Variants in SEZ6L observed in about 807,000 individuals in gnomAD.
SEZ6L encodes the protein seizure related 6 homolog like.
SEZ6L carries 37 observed loss-of-function variants against 106.2 expected under a neutral mutation model. The observed-to-expected ratio is 0.35, with a 90% CI of 0.27 to 0.46. SEZ6L has a LOEUF of 0.46. Among genes scored for constraint, SEZ6L ranks in the 20% least tolerant of loss-of-function variants. The pLI, the probability that SEZ6L is intolerant of heterozygous loss-of-function variation, is 1.00. For synonymous variants in SEZ6L, 541 were observed against 570.4 expected (o/e 0.95, Z 0.73); for missense variants, 1,172 against 1,332.8 (o/e 0.88, Z 1.88).
intron 1 of SEZ6L, among the ~76,000 whole-genome samples, chr22:26,183,445 G>T (rs1601966274): frequency 6.6e-6 from 1 of 152,296 alleles, no homozygotes; most frequent in East Asian, 1.9e-4. Flanking sequence ...GACCAGGGTT[G>T]GGAGCCATGA....
intron 9 of SEZ6L, among the ~76,000 whole-genome samples, chr22:26,318,859 T>C (rs548943471): frequency 6.6e-6 from 1 of 152,314 alleles, no homozygotes; most frequent in East Asian, 1.9e-4. Context: ...CATCAGTTGC[T>C]TGGGGGAAAG....
At chr22:26,341,529 C>A (rs1000498567) in intron 10 of SEZ6L, among the ~76,000 whole-genome samples, 12 of 152,152 alleles carry the variant, frequency 7.9e-5, no homozygotes, top group Non-Finnish European at 1.8e-4. Flanking sequence ...TTAAACAGTA[C>A]CAATATCCGT....
At chr22:26,223,816 T>C (rs2078557012) in intron 1 of SEZ6L, among the ~76,000 whole-genome samples, 1 of 152,214 alleles carries the variant, frequency 6.6e-6, no homozygotes, top group South Asian at 2.1e-4. Flanking sequence ...TAATTGTTAT[T>C]ATAATTAAGG....
At chr22:26,251,487 G>A (rs546605890) in intron 1 of SEZ6L, among the ~76,000 whole-genome samples, 3 of 152,336 alleles carry the variant, frequency 2.0e-5, no homozygotes, top group African/African-American at 7.2e-5. Flanking sequence ...GCATCAGCAA[G>A]TGCTGCATGT....
chr22:26,235,993 C>A (rs555386010), intron 1 of SEZ6L, among the ~76,000 whole-genome samples: 1 of 152,364 alleles, frequency 6.6e-6, no homozygotes, highest in South Asian at 2.1e-4. Flanking sequence ...ATCAGAGGCA[C>A]CTCCTGGCCT....
At chr22:26,288,204 C>A (rs1230505027) in intron 1 of SEZ6L, among the ~76,000 whole-genome samples, 1 of 152,216 alleles carries the variant, frequency 6.6e-6, no homozygotes. Context: ...TTGTTTTCTG[C>A]CAACTGCATC....
chr22:26,198,434 A>G (rs1469152597), intron 1 of SEZ6L, among the ~76,000 whole-genome samples: 12 of 152,264 alleles, frequency 7.9e-5, no homozygotes, highest in Admixed American at 7.9e-4. Flanking sequence ...AGTCATTGCA[A>G]GAGCACAGAT....
chr22:26,310,568 G>T (rs1424690790), intron 6 of SEZ6L, 102 bp from the exon 7 acceptor site: 1 of 1,291,200 alleles, frequency 7.7e-7, no homozygotes, highest in Non-Finnish European at 1.1e-6. Flanking sequence ...TTTGGGATCC[G>T]GTAATGAGGC....
intron 1 of SEZ6L, among the ~76,000 whole-genome samples, chr22:26,198,066 G>A (rs1345977335): frequency 6.6e-6 from 1 of 152,208 alleles, no homozygotes; most frequent in Non-Finnish European, 1.5e-5. Flanking sequence ...GGTCTACCTA[G>A]GGTTTTCTTA....
In SEZ6L at chr22:26,306,198, A is replaced by G. The variant is rs111721362; in HGVS notation, c.1514+54A>G. The G allele has an allele frequency of 2.2e-3, 3,556 of 1,585,520 alleles. 78 individuals are homozygous for G. In the African/African-American group the frequency reaches 0.041, roughly 18 times the overall value. ...CCGTTTCTTCCCAGAATATTAGAAC[A>G]TGGCTTGAGGACTTGGAGTCTTGAA... On this transcript the variant is annotated intron_variant, in intron 6 of 16. Coordinates refer to ENST00000248933, the MANE Select transcript of SEZ6L (RefSeq NM_021115.5).
chr22:26,262,246 A>ATCTG (rs1556283119), intron 1 of SEZ6L, among the ~76,000 whole-genome samples: 1 of 122,438 alleles, frequency 8.2e-6, no homozygotes, highest in African/African-American at 2.9e-5. Flanking sequence ...GATATATTTT[A>ATCTG]TCTATCTATC....
At chr22:26,232,603 C>G (rs11703532) in intron 1 of SEZ6L, among the ~76,000 whole-genome samples, 33,215 of 152,164 alleles carry the variant, frequency 0.22, 3,921 homozygotes, top group East Asian at 0.42. Flanking sequence ...AAATGCTTAC[C>G]ATTGCATTAC....
At chr22:26,230,019 C>G (rs1211458797) in intron 1 of SEZ6L, among the ~76,000 whole-genome samples, 1 of 152,226 alleles carries the variant, frequency 6.6e-6, no homozygotes, top group Non-Finnish European at 1.5e-5. Flanking sequence ...ATCTCCTGGG[C>G]ACAGCATCTG....
intron 3 of SEZ6L, among the ~76,000 whole-genome samples, chr22:26,294,903 TGC>T (rs2081254407): frequency 2.2e-4 from 32 of 145,696 alleles, no homozygotes; most frequent in African/African-American, 8.0e-4. Context: ...CTTGCTTGCT[TGC>T]TTCCTGCTTT....
At position 26,382,534 on chromosome 22, in the gene SEZ6L, T is replaced by C. The variant is rs984157197; in HGVS notation, c.*2239T>C. 2.0e-5 allele frequency: 3 copies of C among 152,824 alleles called. No homozygotes were observed. The highest frequency in any genetic ancestry group is 7.2e-5 in the African/African-American group (3 of 41,456). The allele number at this position is 152,824 out of a possible 1,614,324, so 9.5% of individuals were successfully genotyped here. On this transcript the variant is annotated 3_prime_UTR_variant, in exon 17 of 17. Coordinates refer to ENST00000248933, the MANE Select transcript of SEZ6L (RefSeq NM_021115.5). ...CGTTGTGTTTTTTGTTTTTTTGTTG[T>C]TGTTGTCATTGTTGTTTTTTTCAGA...
chr22:26,354,046 A>C (rs965946500), intron 12 of SEZ6L, among the ~76,000 whole-genome samples: 1 of 151,646 alleles, frequency 6.6e-6, no homozygotes, highest in Non-Finnish European at 1.5e-5. Context: ...AGTGTCTTCG[A>C]CATCCTAACC....
chr22:26,302,901 C>T (rs2081500474), intron 5 of SEZ6L, among the ~76,000 whole-genome samples: 1 of 152,210 alleles, frequency 6.6e-6, no homozygotes, highest in Non-Finnish European at 1.5e-5. Context: ...GAGCCCCCCA[C>T]CAGGGACAGT....
At chr22:26,233,644 C>G (rs564577134) in intron 1 of SEZ6L, among the ~76,000 whole-genome samples, 19 of 152,334 alleles carry the variant, frequency 1.2e-4, no homozygotes, top group South Asian at 1.2e-3. Context: ...CTTCCATTCC[C>G]TCATTCTACA....
intron 12 of SEZ6L, chr22:26,351,536 T>G (rs5752310): frequency 7.0e-4 from 114 of 162,768 alleles, no homozygotes; most frequent in African/African-American, 3.3e-3. Context: ...TTTGTTTGTT[T>G]GTTTGTTTGT....
Sources: gnomAD v4.1 joint callset for allele counts (sites outside exome capture counted in the v4.1 genomes callset) on GRCh38, gnomAD v4.1.1 for gene constraint, MANE v1.5 for transcripts, NCBI Gene and HGNC (gene_info 2026-07-23, HGNC 2026-07-21) for gene names.